The following SGMS1 variants were observed in gnomAD, a reference collection of about 807,000 sequenced individuals.
The protein encoded by SGMS1 is phosphatidylcholine:ceramide cholinephosphotransferase 1.
A neutral mutation model predicts 46.2 loss-of-function variants in SGMS1; 13 were observed. That is an observed-to-expected ratio of 0.28 (90% CI 0.18 to 0.45). SGMS1 has a LOEUF of 0.45. Ranked by LOEUF, SGMS1 falls within the 20% of genes least tolerant of loss-of-function variation. The pLI is 1.00. For missense variants in SGMS1, 324 were observed against 519.9 expected (o/e 0.62, Z 3.66); for synonymous variants, 203 against 187.8 (o/e 1.08, Z -0.66).
chr10:50,332,235 A>G (rs1288689616), intron 7 of SGMS1, among the ~76,000 whole-genome samples: 3 of 152,050 alleles, frequency 2.0e-5, no homozygotes, highest in African/African-American at 2.4e-5. Flanking sequence ...CTCTTTGAAC[A>G]CAGCTTGCGA....
At chr10:50,417,413 A>AAAAAT (rs140505093) in intron 6 of SGMS1, among the ~76,000 whole-genome samples, 2,641 of 149,488 alleles carry the variant, frequency 0.018, 30 homozygotes, top group African/African-American at 0.033. Context: ...AAACAAACAC[A>AAAAAT]AAAATAAAAT....
intron 5 of SGMS1, among the ~76,000 whole-genome samples, chr10:50,449,691 C>T (rs960725935): frequency 6.6e-6 from 1 of 151,980 alleles, no homozygotes; most frequent in Non-Finnish European, 1.5e-5. Context: ...TAGACTTACA[C>T]TCCCCATCCA....
chr10:50,376,578 C>T (rs1442516981), intron 6 of SGMS1, among the ~76,000 whole-genome samples: 3 of 152,170 alleles, frequency 2.0e-5, no homozygotes, highest in Admixed American at 6.5e-5. Flanking sequence ...GCTATCCCTC[C>T]CTGCTCCCCC....
intron 8 of SGMS1, among the ~76,000 whole-genome samples, chr10:50,313,189 G>T (rs1474554892): frequency 6.6e-6 from 1 of 152,138 alleles, no homozygotes; most frequent in African/African-American, 2.4e-5. Context: ...GCAAAGACAG[G>T]ATAGGAAACT....
chr10:50,352,298 T>C (rs952969237), intron 6 of SGMS1, among the ~76,000 whole-genome samples: 33 of 152,028 alleles, frequency 2.2e-4, no homozygotes, highest in African/African-American at 7.7e-4. Flanking sequence ...TCACACACTG[T>C]GGTGTTTTTG....
rs559326855 is a variant in SGMS1, at chr10:50,469,008, C to G, written c.-497-2076G>C. 9.9e-5 allele frequency among the ~76,000 whole-genome samples: 15 copies of G among 152,196 alleles called. No individual in the cohort carries two copies. In the South Asian group the frequency reaches 2.7e-3, roughly 27 times the overall value. On this transcript the variant is annotated intron_variant, in intron 3 of 10. Coordinates refer to ENST00000361781, the MANE Select transcript of SGMS1 (RefSeq NM_147156.4). ...GGGTGGAGGGTGAAGGGCTTAGAAT[C>G]CCCAACTTAACCAGATGAAGACATT...
chr10:50,476,213 G>T (rs567181622), intron 3 of SGMS1, among the ~76,000 whole-genome samples: 1 of 149,072 alleles, frequency 6.7e-6, no homozygotes, highest in Non-Finnish European at 1.5e-5. Flanking sequence ...GGCATAGGTC[G>T]CAGTGAGCCA....
chr10:50,371,011 A>T (rs1471827148), intron 6 of SGMS1, among the ~76,000 whole-genome samples: 1 of 152,218 alleles, frequency 6.6e-6, no homozygotes, highest in African/African-American at 2.4e-5. Flanking sequence ...GCAAATACAT[A>T]AACCATTAAC....
rs58641986 is a variant in SGMS1, at chr10:50,476,097, CAA to C, written c.-497-9167_-497-9166del. On this transcript the variant is annotated intron_variant, in intron 3 of 10. Transcript: ENST00000361781. ...TAAAATCTTGTCTTTACTAAAAATACAAAAAAAAAAAAAAAAAAAAAAAAAAA... is the reference window on the plus strand; with the variant it reads ...TAAAATCTTGTCTTTACTAAAAATACAAAAAAAAAAAAAAAAAAAAAAAAA... Among the ~76,000 whole-genome samples, 397 of 43,272 alleles carry C rather than the reference CAA, an allele frequency of 9.2e-3. 4 individuals are homozygous for C. The highest frequency in any genetic ancestry group is 0.031 in the African/African-American group (380 of 12,200). 28.4% of individuals were successfully genotyped at this position (43,272 alleles called of 152,430 possible).
At chr10:50,458,091 A>G (rs1837215275) in intron 5 of SGMS1, among the ~76,000 whole-genome samples, 1 of 152,198 alleles carries the variant, frequency 6.6e-6, no homozygotes, top group Non-Finnish European at 1.5e-5. Flanking sequence ...AATTGCCACT[A>G]TCCTGATAAA....
chr10:50,528,720 G>A (rs1253837600), intron 2 of SGMS1, among the ~76,000 whole-genome samples: 2 of 152,130 alleles, frequency 1.3e-5, no homozygotes, highest in Non-Finnish European at 2.9e-5. Flanking sequence ...GCAAAATAGG[G>A]AGACCTCTGT....
At chr10:50,366,248 T>A (rs1848340897) in intron 6 of SGMS1, among the ~76,000 whole-genome samples, 2 of 151,942 alleles carry the variant, frequency 1.3e-5, no homozygotes, top group South Asian at 4.2e-4. Flanking sequence ...AAAAATCCCA[T>A]CAAAAAGTGG....
chr10:50,429,145 A>C (rs968309906), intron 6 of SGMS1, among the ~76,000 whole-genome samples: 3 of 152,194 alleles, frequency 2.0e-5, no homozygotes, highest in African/African-American at 7.2e-5. Context: ...ATCATTGTAA[A>C]TTGGGGACTG....
At chr10:50,496,666 T>C (rs892453858) in intron 3 of SGMS1, among the ~76,000 whole-genome samples, 48 of 152,312 alleles carry the variant, frequency 3.2e-4, no homozygotes, top group African/African-American at 1.1e-3. Flanking sequence ...TAGGCCTTCC[T>C]ATATCACATT....
At chr10:50,383,851 CTA>C (rs1189658633) in intron 6 of SGMS1, among the ~76,000 whole-genome samples, 1 of 152,034 alleles carries the variant, frequency 6.6e-6, no homozygotes, top group Non-Finnish European at 1.5e-5. Flanking sequence ...AGGGCTAGGG[CTA>C]TGTTTAGTAA....
chr10:50,361,490 G>A (rs1490472479), intron 6 of SGMS1, among the ~76,000 whole-genome samples: 6 of 152,168 alleles, frequency 3.9e-5, no homozygotes, highest in Admixed American at 1.3e-4. Context: ...TGGCAAACAG[G>A]ATAGGGCAAG....
chr10:50,530,685 G>C (rs1837945010), intron 2 of SGMS1, among the ~76,000 whole-genome samples: 1 of 151,650 alleles, frequency 6.6e-6, no homozygotes, highest in South Asian at 2.1e-4. Context: ...GGGTCTTGCT[G>C]TGTTACCCAA....
At chr10:50,487,203 A>G (rs535074945) in intron 3 of SGMS1, among the ~76,000 whole-genome samples, 15 of 152,200 alleles carry the variant, frequency 9.9e-5, no homozygotes, top group Non-Finnish European at 2.1e-4. Context: ...TGGAGCTGGA[A>G]GCCATTATCC....
At chr10:50,599,169 A>G (rs918231958) in intron 1 of SGMS1, among the ~76,000 whole-genome samples, 7 of 152,316 alleles carry the variant, frequency 4.6e-5, no homozygotes, top group African/African-American at 1.4e-4. Context: ...TAAAACAACA[A>G]AACTATACAG....
Sources: allele counts gnomAD v4.1 joint callset (sites outside exome capture counted in the v4.1 genomes callset), GRCh38; gene constraint gnomAD v4.1.1; transcripts MANE v1.5; gene names NCBI Gene and HGNC (gene_info 2026-07-23, HGNC 2026-07-21).